The following DGKG variants were observed in gnomAD, a reference collection of about 807,000 sequenced individuals.
The protein encoded by DGKG is DAG kinase gamma.
Under a neutral mutation model 105.3 loss-of-function variants are expected in DGKG, and 78 were observed. The ratio of observed to expected loss-of-function variants is 0.74; its 90% CI spans 0.62 to 0.89. The LOEUF (loss-of-function observed/expected upper bound fraction) is 0.89. Among genes scored for constraint, DGKG ranks in the 40% least tolerant of loss-of-function variants. The probability of loss-of-function intolerance (pLI) is 0.00; values close to 1 mark genes in which losing one functional copy is unlikely to be tolerated. For synonymous variants in DGKG, 346 were observed against 367.1 expected (o/e 0.94, Z 0.66); for missense variants, 958 against 1,020.1 (o/e 0.94, Z 0.83).
intron 22 of DGKG, among the ~76,000 whole-genome samples, chr3:186,172,305 C>A (rs1469325558): frequency 6.6e-6 from 1 of 152,206 alleles, no homozygotes; most frequent in Admixed American, 6.5e-5. Flanking sequence ...ATCCCACCCC[C>A]ACTCCACTTC....
chr3:186,246,544 C>A (rs1429676289), intron 19 of DGKG, among the ~76,000 whole-genome samples: 1 of 152,028 alleles, frequency 6.6e-6, no homozygotes, highest in Admixed American at 6.6e-5. Context: ...GAAAGGAGAC[C>A]ATAAGACAGA....
intron 2 of DGKG, among the ~76,000 whole-genome samples, chr3:186,313,142 G>A (rs1288256955): frequency 6.6e-6 from 1 of 152,174 alleles, no homozygotes; most frequent in Non-Finnish European, 1.5e-5. Flanking sequence ...CACTTGCAGG[G>A]CTTTAAAAAA....
chr3:186,272,405 C>A, intron 10 of DGKG, 62 bp from the exon 11 acceptor site: 1 of 1,207,660 alleles, frequency 8.3e-7, no homozygotes, highest in Admixed American at 1.7e-5. Flanking sequence ...GGCCCAGCTG[C>A]CCTCCCACCC....
At chr3:186,353,119 C>T (rs1726715368) in intron 1 of DGKG, among the ~76,000 whole-genome samples, 1 of 152,146 alleles carries the variant, frequency 6.6e-6, no homozygotes, top group East Asian at 1.9e-4. Flanking sequence ...TAACTTCACG[C>T]ATCCTTTAAA....
intron 16 of DGKG, among the ~76,000 whole-genome samples, chr3:186,259,035 GCTTT>G (rs754658729): frequency 2.2e-4 from 33 of 152,290 alleles, no homozygotes; most frequent in Non-Finnish European, 4.4e-4. Context: ...GAGCCCTGGA[GCTTT>G]CAGAATCACT....
intron 20 of DGKG, among the ~76,000 whole-genome samples, chr3:186,228,532 T>G (rs1013079527): frequency 6.6e-6 from 1 of 152,204 alleles, no homozygotes; most frequent in African/African-American, 2.4e-5. Context: ...TAGGATAAGA[T>G]GCAAACTCTG....
chr3:186,205,257 C>CAAAAAA (rs71164580), intron 21 of DGKG, among the ~76,000 whole-genome samples: 2 of 72,996 alleles, frequency 2.7e-5, no homozygotes, highest in Non-Finnish European at 5.1e-5. Flanking sequence ...AACTCCTTCT[C>CAAAAAA]AAAAAAAAAA....
chr3:186,296,210 G>C (rs147965298), intron 5 of DGKG, among the ~76,000 whole-genome samples: 1 of 152,200 alleles, frequency 6.6e-6, no homozygotes, highest in East Asian at 1.9e-4. Context: ...GCCAGGCACT[G>C]TTCTAAGCGT....
In DGKG at chr3:186,147,393, T is replaced by C; in HGVS notation, c.*2697A>G. On this transcript the variant is annotated 3_prime_UTR_variant, in exon 25 of 25. Transcript: ENST00000265022. ...CTCCTCATTGAGATCGAGATAATAATACCTTCTCTGCTAACCTCAGAGGTT... is the reference window on the plus strand; with the variant it reads ...CTCCTCATTGAGATCGAGATAATAACACCTTCTCTGCTAACCTCAGAGGTT... The C allele has an allele frequency of 3.1e-6, 3 of 978,796 alleles. No individual in the cohort carries two copies. Among genetic ancestry groups the C allele is most frequent in the Non-Finnish European group, 3.6e-6 (3 of 823,588 alleles). The allele number at this position is 978,796 out of a possible 1,614,324, so 60.6% of individuals were successfully genotyped here.
At chr3:186,171,231 C>A (rs1716802042) in intron 22 of DGKG, among the ~76,000 whole-genome samples, 1 of 152,164 alleles carries the variant, frequency 6.6e-6, no homozygotes, top group East Asian at 1.9e-4. Context: ...GTATCTCTAG[C>A]AACTAGACCA....
At chr3:186,168,363 T>C (rs1236020808) in intron 22 of DGKG, among the ~76,000 whole-genome samples, 1 of 151,982 alleles carries the variant, frequency 6.6e-6, no homozygotes, top group Non-Finnish European at 1.5e-5. Context: ...AGTGAACATA[T>C]AATATAAGCA....
intron 5 of DGKG, among the ~76,000 whole-genome samples, chr3:186,293,414 C>G (rs1723401579): frequency 6.6e-6 from 1 of 152,140 alleles, no homozygotes; most frequent in African/African-American, 2.4e-5. Flanking sequence ...GGGGACTTTC[C>G]TTGAGATTTC....
intron 19 of DGKG, among the ~76,000 whole-genome samples, chr3:186,249,638 T>C (rs1366942612): frequency 6.6e-6 from 1 of 152,172 alleles, no homozygotes; most frequent in Non-Finnish European, 1.5e-5. Context: ...GGTCAGGAGT[T>C]TGAGACCAGC....
intron 20 of DGKG, among the ~76,000 whole-genome samples, chr3:186,232,384 G>A (rs147986818): frequency 1.6e-4 from 25 of 152,252 alleles, no homozygotes; most frequent in African/African-American, 3.4e-4. Context: ...ATGTTATAGC[G>A]CTGAGTGTTT....
chr3:186,307,219 A>G (rs935377836), intron 2 of DGKG, among the ~76,000 whole-genome samples: 1 of 152,056 alleles, frequency 6.6e-6, no homozygotes, highest in Non-Finnish European at 1.5e-5. Flanking sequence ...CCTACTCAAA[A>G]CCATTCAAGG....
chr3:186,207,348 T>G, intron 21 of DGKG: 3 of 653,284 alleles, frequency 4.6e-6, no homozygotes, highest in Non-Finnish European at 5.7e-6. Flanking sequence ...CCCGAAACTC[T>G]CGGGTGTCTG....
chr3:186,352,728 C>T (rs760391603), intron 1 of DGKG, among the ~76,000 whole-genome samples: 1 of 152,186 alleles, frequency 6.6e-6, no homozygotes, highest in Non-Finnish European at 1.5e-5. Flanking sequence ...CTGACTCCAC[C>T]TGTACTGCCA....
intron 23 of DGKG, among the ~76,000 whole-genome samples, chr3:186,164,248 A>G (rs145887546): frequency 2.5e-4 from 38 of 152,364 alleles, no homozygotes; most frequent in African/African-American, 8.9e-4. Flanking sequence ...AAGACTTCTG[A>G]AATAATCAGG....
At chr3:186,185,232 A>T (rs1375271361) in intron 22 of DGKG, among the ~76,000 whole-genome samples, 1 of 152,178 alleles carries the variant, frequency 6.6e-6, no homozygotes, top group East Asian at 1.9e-4. Context: ...CCCTTTCAAG[A>T]AGAAAGCTCA....
Sources: allele counts gnomAD v4.1 joint callset (sites outside exome capture counted in the v4.1 genomes callset), GRCh38; gene constraint gnomAD v4.1.1; transcripts MANE v1.5; gene names NCBI Gene and HGNC (gene_info 2026-07-23, HGNC 2026-07-21).